The following TGFBR3 variants were observed in gnomAD, a reference collection of about 807,000 sequenced individuals.
TGFBR3 encodes transforming growth factor beta receptor 3, also known as transforming growth factor beta receptor type 3.
A neutral mutation model predicts 87.9 loss-of-function variants in TGFBR3; 46 were observed. The ratio of observed to expected loss-of-function variants is 0.52; its 90% CI spans 0.41 to 0.67. TGFBR3 has a LOEUF of 0.67. TGFBR3 is among the 30% of genes least tolerant of loss of function. The pLI, the probability that TGFBR3 is intolerant of heterozygous loss-of-function variation, is 0.00. For synonymous variants in TGFBR3, 381 were observed against 391.6 expected (o/e 0.97, Z 0.32); for missense variants, 866 against 1,041.9 (o/e 0.83, Z 2.32).
intron 16 of TGFBR3, among the ~76,000 whole-genome samples, chr1:91,685,136 C>T (rs1296305019): frequency 2.0e-5 from 3 of 152,158 alleles, no homozygotes; most frequent in Non-Finnish European, 4.4e-5. Flanking sequence ...TACAGCTTTT[C>T]CTGTCACCCC....
At chr1:91,787,279 G>T (rs1250276041) in intron 3 of TGFBR3, among the ~76,000 whole-genome samples, 1 of 151,912 alleles carries the variant, frequency 6.6e-6, no homozygotes, top group Non-Finnish European at 1.5e-5. Flanking sequence ...CCAGCCTGGT[G>T]ACAGAGCGAG....
At chr1:91,841,916 G>A (rs1677303120) in intron 2 of TGFBR3, among the ~76,000 whole-genome samples, 1 of 151,476 alleles carries the variant, frequency 6.6e-6, no homozygotes, top group Admixed American at 6.6e-5. Flanking sequence ...CTGGGCAACA[G>A]AGCAAAACCC....
intron 2 of TGFBR3, among the ~76,000 whole-genome samples, chr1:91,898,732 T>G (rs1351917715): frequency 6.6e-6 from 1 of 152,170 alleles, no homozygotes; most frequent in East Asian, 1.9e-4. Context: ...CGAACACGTC[T>G]GGCTGATCAT....
chr1:91,699,381 C>T (rs1011338685), intron 14 of TGFBR3, among the ~76,000 whole-genome samples: 3 of 149,048 alleles, frequency 2.0e-5, no homozygotes, highest in Non-Finnish European at 3.0e-5. Flanking sequence ...CTCTGTTACA[C>T]TTGGGCCACA....
In TGFBR3 at chr1:91,808,252, C is replaced by T. The variant is rs184543445; in HGVS notation, c.62-10781G>A. 2.4e-4 allele frequency among the ~76,000 whole-genome samples: 37 copies of T among 152,178 alleles called. 1 individual carries two copies. The highest frequency in any genetic ancestry group is 2.0e-3 in the Admixed American group (30 of 15,288). On this transcript the variant is annotated intron_variant, in intron 2 of 16. Transcript: ENST00000212355. ...GACCAGCCTGGGCAAAATAACCAGA[C>T]CCCCATCTCTTTAAAAAAATTTTTT...
chr1:91,836,307 C>G (rs1677063793), intron 2 of TGFBR3, among the ~76,000 whole-genome samples: 1 of 152,004 alleles, frequency 6.6e-6, no homozygotes, highest in Non-Finnish European at 1.5e-5. Flanking sequence ...AAGAAATAAC[C>G]TAAAACTTAA....
intron 3 of TGFBR3, among the ~76,000 whole-genome samples, chr1:91,796,731 A>T (rs2101003978): frequency 6.6e-6 from 1 of 152,214 alleles, no homozygotes; most frequent in East Asian, 1.9e-4. Context: ...TATTATTATT[A>T]TTTTTGAAAC....
chr1:91,711,842 C>T (rs1319853608), intron 13 of TGFBR3, among the ~76,000 whole-genome samples: 1 of 152,218 alleles, frequency 6.6e-6, no homozygotes, highest in Admixed American at 6.5e-5. Flanking sequence ...TTATATTTCA[C>T]ACAGAAAAGG....
At position 91,720,131 on chromosome 1, in the gene TGFBR3, C is replaced by T. The variant is rs373979895; in HGVS notation, c.1175G>A (p.Arg392Gln). 27 of 1,613,912 alleles carry T rather than the reference C, an allele frequency of 1.7e-5. No homozygotes were observed. In the African/African-American group the frequency reaches 1.9e-4, roughly 11 times the overall value. ...ALPALQNPPI[R>Q]GGEGQNGGLP... ...GCCTCCATTTTGGCCTTCCCCTCCC[C>T]GGATGGGCGGGTTCTGCAGGGCAGG... Residue 392 changes from arginine to glutamine, a missense_variant, in exon 9 of 17, where the codon CGG (arginine) becomes CAG (glutamine). By Grantham distance (43) the Arg-to-Gln change is conservative. Coordinates refer to ENST00000212355, the MANE Select transcript of TGFBR3 (RefSeq NM_003243.5).
chr1:91,750,126 C>T (rs1673484665), intron 4 of TGFBR3, among the ~76,000 whole-genome samples: 1 of 152,236 alleles, frequency 6.6e-6, no homozygotes, highest in Non-Finnish European at 1.5e-5. Flanking sequence ...TGCACACAGA[C>T]ATGACGCAAG....
At chr1:91,857,018 G>T (rs1677979963) in intron 2 of TGFBR3, among the ~76,000 whole-genome samples, 4 of 152,252 alleles carry the variant, frequency 2.6e-5, no homozygotes, top group Admixed American at 2.6e-4. Context: ...TGGAGGTGAT[G>T]ATAATAATAA....
chr1:91,857,723 G>A (rs1356748780), intron 2 of TGFBR3, among the ~76,000 whole-genome samples: 10 of 152,290 alleles, frequency 6.6e-5, no homozygotes, highest in Admixed American at 5.9e-4. Context: ...AGGATCACTT[G>A]AGGTCAAGAG....
chr1:91,760,330 C>T (rs1673911917), intron 3 of TGFBR3, among the ~76,000 whole-genome samples: 1 of 152,164 alleles, frequency 6.6e-6, no homozygotes, highest in South Asian at 2.1e-4. Flanking sequence ...ACACAAGAAT[C>T]GCTTGAACCC....
chr1:91,785,529 A>T (rs990472742), intron 3 of TGFBR3, among the ~76,000 whole-genome samples: 20 of 152,168 alleles, frequency 1.3e-4, no homozygotes, highest in African/African-American at 4.8e-4. Flanking sequence ...TAAAAACACA[A>T]ACAGGCAGCA....
At chr1:91,902,144 A>G (rs542365892) in intron 1 of TGFBR3, among the ~76,000 whole-genome samples, 17 of 152,284 alleles carry the variant, frequency 1.1e-4, no homozygotes, top group Admixed American at 3.9e-4. Flanking sequence ...GCCCAAAGAC[A>G]TATGTTTAAT....
At chr1:91,733,082 A>C (rs1672831555) in intron 5 of TGFBR3, among the ~76,000 whole-genome samples, 1 of 152,192 alleles carries the variant, frequency 6.6e-6, no homozygotes, top group Non-Finnish European at 1.5e-5. Context: ...GACCTCTGTT[A>C]TTAGCTACCT....
At chr1:91,894,460 T>G (rs1360537900) in intron 2 of TGFBR3, among the ~76,000 whole-genome samples, 1 of 152,258 alleles carries the variant, frequency 6.6e-6, no homozygotes, top group East Asian at 1.9e-4. Flanking sequence ...CTTCCTTTGT[T>G]GCCCACACTT....
chr1:91,810,486 G>A (rs1173005340), intron 2 of TGFBR3, among the ~76,000 whole-genome samples: 1 of 152,304 alleles, frequency 6.6e-6, no homozygotes, highest in Non-Finnish European at 1.5e-5. Flanking sequence ...GCATATGTTT[G>A]TGTGTCCTCT....
chr1:91,704,006 C>T (rs890980425), intron 14 of TGFBR3, among the ~76,000 whole-genome samples: 4 of 152,040 alleles, frequency 2.6e-5, no homozygotes, highest in African/African-American at 9.7e-5. Context: ...GGGGTGTTAC[C>T]TTGAATACTA....
Sources: gnomAD v4.1 joint callset for allele counts (sites outside exome capture counted in the v4.1 genomes callset) on GRCh38, gnomAD v4.1.1 for gene constraint, MANE v1.5 for transcripts, NCBI Gene and HGNC (gene_info 2026-07-23, HGNC 2026-07-21) for gene names.